PCDHA7: variants seen among roughly 807,000 people sequenced by gnomAD.
PCDHA7 encodes the protein protocadherin alpha-7.
Under a neutral mutation model 57.2 loss-of-function variants are expected in PCDHA7, and 37 were observed. The observed-to-expected ratio is 0.65, with a 90% CI of 0.50 to 0.85. The LOEUF (loss-of-function observed/expected upper bound fraction) is 0.85. Ranked by LOEUF, PCDHA7 falls within the 40% of genes least tolerant of loss-of-function variation. The probability of loss-of-function intolerance (pLI) is 0.00; values close to 1 mark genes in which losing one functional copy is unlikely to be tolerated. For missense variants in PCDHA7, 1,188 were observed against 1,241.8 expected, an observed-to-expected ratio of 0.96 and a Z score of 0.65; for synonymous variants, 553 against 558.8, an observed-to-expected ratio of 0.99 and a Z score of 0.15.
At chr5:141,007,258 A>G (rs1160413471) in intron 3 of PCDHA7, among the ~76,000 whole-genome samples, 1 of 152,110 alleles carries the variant, frequency 6.6e-6, no homozygotes, top group Non-Finnish European at 1.5e-5. Flanking sequence ...AGTTAAAAGA[A>G]GCAGATACAG....
At chr5:140,882,633 A>G in intron 1 of PCDHA7, 1 of 1,614,220 alleles carries the variant, frequency 6.2e-7, no homozygotes, top group Non-Finnish European at 8.5e-7. Context: ...GTGGAGGTGA[A>G]GGTGAGGGAC....
chr5:140,929,995 C>A (rs543771321), intron 1 of PCDHA7: 1 of 152,108 alleles, frequency 6.6e-6, no homozygotes, highest in Admixed American at 6.5e-5. Context: ...GGAATGACAC[C>A]CTAAAACATA....
intron 1 of PCDHA7, chr5:140,928,453 T>G (rs528077853): frequency 1.9e-6 from 3 of 1,613,888 alleles, no homozygotes; most frequent in African/African-American, 2.7e-5. Flanking sequence ...GCTCAGGGGG[T>G]TTCATTTCCA....
At chr5:140,854,341 G>A (rs1388413417) in intron 1 of PCDHA7, 1 of 189,830 alleles carries the variant, frequency 5.3e-6, no homozygotes, top group Non-Finnish European at 9.6e-6. Flanking sequence ...TTACGCTCCA[G>A]ATAGCTAAAA....
At chr5:140,892,896 C>T (rs1489868294) in intron 1 of PCDHA7, among the ~76,000 whole-genome samples, 1 of 152,112 alleles carries the variant, frequency 6.6e-6, no homozygotes, top group Non-Finnish European at 1.5e-5. Flanking sequence ...CCAACCTTTC[C>T]CCATCCTCCT....
chr5:140,982,985 A>C (rs2097019022), intron 3 of PCDHA7, among the ~76,000 whole-genome samples: 1 of 152,162 alleles, frequency 6.6e-6, no homozygotes, highest in Non-Finnish European at 1.5e-5. Flanking sequence ...AAAGAAAGAG[A>C]AAAAGAAGGA....
At chr5:140,862,646 C>A (rs2047467861) in intron 1 of PCDHA7, 1 of 541,802 alleles carries the variant, frequency 1.8e-6, no homozygotes, top group Admixed American at 1.9e-5. Flanking sequence ...TTCACAGTGT[C>A]CGCGCGGGAC....
intron 1 of PCDHA7, among the ~76,000 whole-genome samples, chr5:140,913,494 T>C (rs1554195964): frequency 6.6e-6 from 1 of 152,116 alleles, no homozygotes; most frequent in Non-Finnish European, 1.5e-5. Flanking sequence ...CATTAGTCTG[T>C]TTAAAACTTT....
chr5:140,985,643 A>C (rs564908892), intron 3 of PCDHA7, among the ~76,000 whole-genome samples: 10 of 151,298 alleles, frequency 6.6e-5, no homozygotes, highest in African/African-American at 1.9e-4. Context: ...TCATCCCAAC[A>C]CTTGCAATGG....
At position 140,886,685 on chromosome 5, in the gene PCDHA7, G is replaced by A. The variant is rs1250817978; in HGVS notation, c.2355+49947G>A. On this transcript the variant is annotated intron_variant, in intron 1 of 3. Transcript: ENST00000525929. The stretch of plus-strand genomic sequence containing the variant: ...TACTAAAAATACAAAAATTAGCGAG[G>A]CATGGTGGCACGCGCCTGTAATCCC... Among the ~76,000 whole-genome samples the A allele has an allele frequency of 2.6e-5, 4 of 152,080 alleles. No homozygotes were observed. In the East Asian group the frequency reaches 7.8e-4, roughly 30 times the overall value.
rs1318290193 is a variant in PCDHA7, at chr5:140,849,912, C to G, written c.2355+13174C>G. ...GAAGGAGAACAACCCGCCGGGCTGCCACATCTTCACGGTGTCTGCGCGGGA... is the reference window on the plus strand; with the variant it reads ...GAAGGAGAACAACCCGCCGGGCTGCGACATCTTCACGGTGTCTGCGCGGGA... On this transcript the variant is annotated intron_variant, in intron 1 of 3. Coordinates refer to ENST00000525929, the MANE Select transcript of PCDHA7 (RefSeq NM_018910.3). 51 of 1,598,266 alleles carry G rather than the reference C, an allele frequency of 3.2e-5. 3 individuals are homozygous for G. The highest frequency in any genetic ancestry group is 4.2e-5 in the Non-Finnish European group (49 of 1,167,792).
At chr5:140,839,793 G>A (rs1776412354) in intron 1 of PCDHA7, among the ~76,000 whole-genome samples, 1 of 151,918 alleles carries the variant, frequency 6.6e-6, no homozygotes, top group East Asian at 1.9e-4. Context: ...TAGAAATTTG[G>A]AGGAGCTCTT....
At chr5:140,960,148 T>C (rs782110022) in intron 1 of PCDHA7, among the ~76,000 whole-genome samples, 16 of 152,198 alleles carry the variant, frequency 1.1e-4, no homozygotes, top group Admixed American at 4.6e-4. Context: ...ATTAATAGCT[T>C]GAGACTGATA....
At chr5:140,887,059 C>G (rs1474485995) in intron 1 of PCDHA7, among the ~76,000 whole-genome samples, 1 of 151,642 alleles carries the variant, frequency 6.6e-6, no homozygotes, top group Non-Finnish European at 1.5e-5. Flanking sequence ...TATGTTCTGG[C>G]AACAAATTCA....
rs557035841 is a variant in PCDHA7, at chr5:140,907,537, A to G, written c.2355+70799A>G. On this transcript the variant is annotated intron_variant, in intron 1 of 3. Coordinates refer to ENST00000525929, the MANE Select transcript of PCDHA7 (RefSeq NM_018910.3). ...GTGAGGACAAATCGCTGCCCTTTCT[A>G]TGATGGAAGAGGTCCAATATAATCA... 7.9e-5 allele frequency among the ~76,000 whole-genome samples: 12 copies of G among 152,370 alleles called. No homozygotes were observed. The South Asian group carries it at 1.2e-3, about 16-fold the overall frequency.
chr5:140,840,342 G>C (rs1167042274), intron 1 of PCDHA7, among the ~76,000 whole-genome samples: 2 of 151,918 alleles, frequency 1.3e-5, no homozygotes, highest in African/African-American at 4.8e-5. Flanking sequence ...CAATGTTAGG[G>C]TATACAGGTA....
intron 1 of PCDHA7, among the ~76,000 whole-genome samples, chr5:140,973,232 G>GA (rs2096577680): frequency 6.6e-6 from 1 of 152,196 alleles, no homozygotes; most frequent in African/African-American, 2.4e-5. Flanking sequence ...ATAGTGACCT[G>GA]AAAGAGTTAA....
At chr5:140,900,438 C>G (rs573115268) in intron 1 of PCDHA7, among the ~76,000 whole-genome samples, 1 of 152,116 alleles carries the variant, frequency 6.6e-6, no homozygotes, top group East Asian at 1.9e-4. Context: ...CCACCACGGC[C>G]GGCTAATTTT....
At chr5:140,853,927 G>T in intron 1 of PCDHA7, 1 of 895,160 alleles carries the variant, frequency 1.1e-6, no homozygotes, top group Non-Finnish European at 1.4e-6. Context: ...CCAACATTTT[G>T]GGAGGCCAAG....
Sources: allele counts gnomAD v4.1 joint callset (sites outside exome capture counted in the v4.1 genomes callset), GRCh38; gene constraint gnomAD v4.1.1; transcripts MANE v1.5; gene names NCBI Gene and HGNC (gene_info 2026-07-23, HGNC 2026-07-21).